Variants in GPHN observed in about 807,000 individuals in gnomAD.
GPHN encodes gephyrin.
A neutral mutation model predicts 95.5 loss-of-function variants in GPHN; 17 were observed. The observed-to-expected ratio is 0.18, with a 90% CI of 0.12 to 0.27. The LOEUF is 0.27. Among genes scored for constraint, GPHN ranks in the 10% least tolerant of loss-of-function variants. The pLI is 1.00. For missense variants in GPHN, 660 were observed against 978.1 expected, an observed-to-expected ratio of 0.67 and a Z score of 4.34; for synonymous variants, 320 against 322.5, an observed-to-expected ratio of 0.99 and a Z score of 0.08.
At chr14:66,876,939 CA>C (rs1328867372) in intron 4 of GPHN, among the ~76,000 whole-genome samples, 3 of 151,724 alleles carry the variant, frequency 2.0e-5, no homozygotes, top group Non-Finnish European at 2.9e-5. Flanking sequence ...AGAGACACAA[CA>C]AAAAAAATTT....
At chr14:67,556,019 G>C in the GPHN span, 21 of 1,212,034 alleles carry the variant, frequency 1.7e-5, no homozygotes, top group South Asian at 1.1e-4. Context: ...ATGAGTGTGC[G>C]TGGAGCTTTC....
At chr14:67,481,889 G>A in the GPHN span, among the ~76,000 whole-genome samples, 1 of 152,296 alleles carries the variant, frequency 6.6e-6, no homozygotes, top group Non-Finnish European at 1.5e-5. Context: ...AAACAAAACT[G>A]TCCTGAGACC....
At chr14:66,709,968 G>A (rs756806321) in intron 2 of GPHN, among the ~76,000 whole-genome samples, 1 of 151,956 alleles carries the variant, frequency 6.6e-6, no homozygotes, top group Non-Finnish European at 1.5e-5. Flanking sequence ...GAAATAATGA[G>A]TGTCCACTGC....
At chr14:66,783,278 T>G (rs1279318348) in intron 3 of GPHN, among the ~76,000 whole-genome samples, 1 of 152,110 alleles carries the variant, frequency 6.6e-6, no homozygotes, top group Non-Finnish European at 1.5e-5. Context: ...CCTCACCTGG[T>G]GGTGGCAGCA....
At chr14:67,688,655 C>A in the GPHN span, among the ~76,000 whole-genome samples, 1 of 144,950 alleles carries the variant, frequency 6.9e-6, no homozygotes, top group African/African-American at 2.6e-5. Flanking sequence ...CCAGGCTGAT[C>A]TTGAACTGGC....
intron 2 of GPHN, among the ~76,000 whole-genome samples, chr14:66,689,746 T>C (rs1158876032): frequency 6.6e-6 from 1 of 152,188 alleles, no homozygotes; most frequent in East Asian, 1.9e-4. Flanking sequence ...TTTTCATTTC[T>C]TCTTGGCTCA....
chr14:66,746,341 A>G (rs1029363595), intron 2 of GPHN, among the ~76,000 whole-genome samples: 4 of 152,174 alleles, frequency 2.6e-5, no homozygotes, highest in Non-Finnish European at 5.9e-5. Context: ...ATTACTTTAT[A>G]AGACTCTGAG....
intron 1 of GPHN, among the ~76,000 whole-genome samples, chr14:66,663,918 A>G (rs1022631973): frequency 3.9e-5 from 6 of 152,224 alleles, no homozygotes; most frequent in Admixed American, 6.5e-5. Flanking sequence ...GTTCAATTCA[A>G]CAAGAAGAAC....
the GPHN span, among the ~76,000 whole-genome samples, chr14:67,704,183 G>T: frequency 6.6e-6 from 1 of 152,130 alleles, no homozygotes; most frequent in African/African-American, 2.4e-5. Flanking sequence ...AAAAATCTGT[G>T]CCTAAGAGGT....
intron 5 of GPHN, among the ~76,000 whole-genome samples, chr14:66,897,692 T>G (rs1057107760): frequency 1.3e-5 from 2 of 152,146 alleles, no homozygotes; most frequent in Non-Finnish European, 2.9e-5. Context: ...TTGAGTAGTA[T>G]TCCATACTAT....
At chr14:67,079,076 T>C (rs922755106) in intron 11 of GPHN, among the ~76,000 whole-genome samples, 3 of 152,006 alleles carry the variant, frequency 2.0e-5, no homozygotes, top group African/African-American at 7.2e-5. Context: ...TATTGTAAAT[T>C]TTATATTAAT....
intron 9 of GPHN, among the ~76,000 whole-genome samples, chr14:66,982,637 A>G (rs1275506987): frequency 6.6e-6 from 1 of 152,194 alleles, no homozygotes; most frequent in Admixed American, 6.5e-5. Context: ...TTTCTTCATG[A>G]TTAATGATGA....
At chr14:67,364,569 A>G in the GPHN span, 1 of 523,024 alleles carries the variant, frequency 1.9e-6, no homozygotes, top group Non-Finnish European at 3.3e-6. Flanking sequence ...AATGTTGAGC[A>G]AAATAAAAAT....
the GPHN span, among the ~76,000 whole-genome samples, chr14:67,603,781 G>A: frequency 1.3e-5 from 2 of 152,164 alleles, no homozygotes; most frequent in Non-Finnish European, 2.9e-5. Context: ...AGGTTCAAGC[G>A]ATTCTCCTGC....
At chr14:67,178,100 C>T (rs2083107108) in intron 21 of GPHN, among the ~76,000 whole-genome samples, 1 of 152,188 alleles carries the variant, frequency 6.6e-6, no homozygotes, top group South Asian at 2.1e-4. Flanking sequence ...TTGATCCTGT[C>T]ATTATGATGC....
chr14:66,843,266 G>T (rs2062169902), intron 4 of GPHN, among the ~76,000 whole-genome samples: 1 of 152,114 alleles, frequency 6.6e-6, no homozygotes, highest in Admixed American at 6.6e-5. Context: ...ATTTTAGACT[G>T]CCCAGCATTA....
chr14:66,961,924 A>ATAT (rs2068952870), intron 8 of GPHN, among the ~76,000 whole-genome samples: 2 of 76,184 alleles, frequency 2.6e-5, no homozygotes, highest in South Asian at 1.0e-3. Context: ...ATATATATAT[A>ATAT]TATATATATA....
At chr14:67,627,301 T>G in the GPHN span, among the ~76,000 whole-genome samples, 3 of 143,038 alleles carry the variant, frequency 2.1e-5, no homozygotes, top group Non-Finnish European at 4.5e-5. Flanking sequence ...TCTGAATTGC[T>G]AATATTGATC....
At chr14:66,952,684 A>G (rs1567142857) in intron 8 of GPHN, among the ~76,000 whole-genome samples, 1 of 151,940 alleles carries the variant, frequency 6.6e-6, no homozygotes, top group Non-Finnish European at 1.5e-5. Flanking sequence ...CCCTGCCAGC[A>G]TTTGCTTTTT....
Sources: gnomAD v4.1 joint callset for allele counts (sites outside exome capture counted in the v4.1 genomes callset) on GRCh38, gnomAD v4.1.1 for gene constraint, MANE v1.5 for transcripts, NCBI Gene and HGNC (gene_info 2026-07-23, HGNC 2026-07-21) for gene names.